The following ACAN variants were observed in gnomAD, a reference collection of about 807,000 sequenced individuals.
ACAN encodes the protein aggrecan.
ACAN carries 47 observed loss-of-function variants against 169.1 expected under a neutral mutation model. That is an observed-to-expected ratio of 0.28 (90% CI 0.22 to 0.35). The LOEUF is 0.35. Ranked by LOEUF, ACAN falls within the 10% of genes least tolerant of loss-of-function variation. ACAN has a pLI of 1.00. For missense variants in ACAN, 2,716 were observed against 2,759.9 expected, an observed-to-expected ratio of 0.98 and a Z score of 0.36; for synonymous variants, 1,115 against 1,112.2, an observed-to-expected ratio of 1.00 and a Z score of -0.05.
At chr15:88,824,907 A>G (rs1023480381) in intron 1 of ACAN, among the ~76,000 whole-genome samples, 4 of 151,946 alleles carry the variant, frequency 2.6e-5, no homozygotes, top group African/African-American at 4.8e-5. Flanking sequence ...AAAAAGCTAT[A>G]AATAGACTTT....
In ACAN at chr15:88,839,952, G is replaced by C. The variant is rs1896606113; in HGVS notation, c.455-60G>C. ...ATTGCCATAATTCTGCGAGGGCCTC[G>C]GTGATCAGAGACTGTGCCTGACCAG... On this transcript the variant is annotated intron_variant, in intron 3 of 18. Coordinates refer to ENST00000560601, the MANE Select transcript of ACAN (RefSeq NM_001369268.1). The surrounding 1 kb of genome is among the most constrained non-coding windows in gnomAD (Gnocchi z 4.5). The C allele has an allele frequency of 6.5e-7, 1 of 1,545,480 alleles. No individual in the cohort carries two copies. The highest frequency in any genetic ancestry group is 8.8e-7 in the Non-Finnish European group (1 of 1,140,062).
chr15:88,841,950 G>C, intron 5 of ACAN, 83 bp downstream of exon 5: 2 of 1,567,862 alleles, frequency 1.3e-6, no homozygotes, highest in South Asian at 1.1e-5. Flanking sequence ...TGACACCTGA[G>C]ATCACACAGG....
rs1435551486 is a variant in ACAN at position 88,855,052 on chromosome 15, C to G, written c.2467C>G (p.Pro823Ala). The change falls in exon 12 of 19, where the codon CCA (proline) becomes GCA (alanine). Residue 823 changes from proline to alanine, a missense_variant. Around this residue, in one of 3 missense-constraint regions of ACAN, gnomAD observed 1,283 missense variants for 1,281.5 expected, o/e 1.00. Coordinates refer to ENST00000560601, the MANE Select transcript of ACAN (RefSeq NM_001369268.1). ...AGTGGAGCTGTTCCCCTCAGAGGAG[C>G]CATTCCCCTCCAAGGAGCCATCCCC... Reference protein sequence around the residue: ...PSVELFPSEEPFPSKEPSPSE... With the variant: ...PSVELFPSEEAFPSKEPSPSE... 6.3e-7 allele frequency: 1 copy of G among 1,588,888 alleles called. No homozygotes were observed. Among genetic ancestry groups the G allele is most frequent in the South Asian group, 1.2e-5 (1 of 86,154 alleles).
chr15:88,829,971 T>G (rs1488204716), intron 1 of ACAN, among the ~76,000 whole-genome samples: 3 of 151,964 alleles, frequency 2.0e-5, no homozygotes, highest in Non-Finnish European at 4.4e-5. Context: ...CTAAACAGTG[T>G]GTAGAAAGTC....
rs1007890948 is a variant in ACAN at position 88,851,638 on chromosome 15, T to G, written c.2027-156T>G. 6.0e-5 allele frequency: 48 copies of G among 796,564 alleles called. No homozygotes were observed. The highest frequency in any genetic ancestry group is 7.5e-5 in the Non-Finnish European group (39 of 517,420). The allele number at this position is 796,564 out of a possible 1,614,324, so 49.3% of individuals were successfully genotyped here. On this transcript the variant is annotated intron_variant, in intron 10 of 18. Transcript: ENST00000560601. The surrounding 1 kb of genome is among the most constrained non-coding windows in gnomAD (Gnocchi z 4.3). The stretch of plus-strand genomic sequence containing the variant: ...ATGGATATTATATCATTGGTGCCGA[T>G]GGCTCTTACTAAGCGAGAAGGCAAA...
chr15:88,805,304 G>A (rs929512873), intron 1 of ACAN, among the ~76,000 whole-genome samples: 2 of 152,162 alleles, frequency 1.3e-5, no homozygotes, highest in Non-Finnish European at 2.9e-5. Flanking sequence ...GAAAGGCAAT[G>A]GGGAAGAAAA....
In ACAN at chr15:88,858,399, C is replaced by G. The variant is rs1156843603; in HGVS notation, c.5814C>G (p.Asp1938Glu). Residue 1938 changes from aspartate (D) to glutamate (E), a missense_variant, in exon 12 of 19, where the codon GAC becomes GAG. Asp to Glu is a conservative substitution (Grantham distance 45). Transcript: ENST00000560601. The surrounding 1 kb of genome is among the most constrained non-coding windows in gnomAD (Gnocchi z 4.0). The stretch of plus-strand genomic sequence containing the variant: ...GTTTCCCCACTGTCTCTCTTGTAGA[C>G]AGAACTTTGGTGGAATCTGTAACCC... ...PSSFPTVSLV[D>E]RTLVESVTQA... 1 of 1,613,806 alleles carries G rather than the reference C, an allele frequency of 6.2e-7. No individual in the cohort carries two copies. The highest frequency in any genetic ancestry group is 8.5e-7 in the Non-Finnish European group (1 of 1,179,896).
Position 88,856,961 on chromosome 15 carries a change from C to G in ACAN, c.4376C>G (p.Thr1459Ser), listed in dbSNP as rs867412218. ...CTTCCTTCTGGAGAAGTTCTAGAGA[C>G]TTCTACCTCTGCGGTAGGGGACCTC... ...SGLPSGEVLE[T>S]STSAVGDLSG... is the part of the protein sequence containing the mutation. Residue 1459 changes from threonine (T) to serine (S), a missense_variant, in exon 12 of 19, where the codon ACT (threonine) becomes AGT (serine). Transcript: ENST00000560601. 5.0e-6 allele frequency: 8 copies of G among 1,613,056 alleles called. No homozygotes were observed. Among genetic ancestry groups the G allele is most frequent in the Non-Finnish European group, 5.9e-6 (7 of 1,179,676 alleles).
intron 13 of ACAN, among the ~76,000 whole-genome samples, chr15:88,865,803 G>A (rs758671718): frequency 1.3e-5 from 2 of 152,180 alleles, no homozygotes; most frequent in African/African-American, 4.8e-5. Context: ...GGGCCAGAAC[G>A]GCCCTTCCAG....
In ACAN at chr15:88,858,261, G is replaced by A. The variant is rs772667742; in HGVS notation, c.5676G>A (p.Pro1892=). 16 of 1,613,766 alleles carry A rather than the reference G, an allele frequency of 9.9e-6. No homozygotes were observed. Among genetic ancestry groups the A allele is most frequent in the South Asian group, 5.5e-5 (5 of 91,080 alleles). The part of the protein sequence containing the change: ...VDSSGFTSQT[P]EFSGLPSGIA... ...CCAGTGGGTTTACATCCCAGACTCC[G>A]GAATTCAGTGGCCTACCAAGTGGCA... The change falls in exon 12 of 19, where the codon CCG becomes CCA. Residue 1892 remains proline (P), a synonymous_variant. Coordinates refer to ENST00000560601, the MANE Select transcript of ACAN (RefSeq NM_001369268.1). This position sits in a 1 kb window ranked among gnomAD's most constrained non-coding sequence, Gnocchi z 4.0.
At chr15:88,832,456 C>G (rs1896388957) in intron 1 of ACAN, among the ~76,000 whole-genome samples, 1 of 151,952 alleles carries the variant, frequency 6.6e-6, no homozygotes, top group African/African-American at 2.4e-5. Context: ...CCAAAAAATA[C>G]AAAAATTAGC....
In ACAN at chr15:88,843,296, G is replaced by GTCGCCGAATC; in HGVS notation, c.758-59_758-58insTCGCCGAATC. 7.1e-7 allele frequency: 1 copy of GTCGCCGAATC among 1,403,448 alleles called. No individual in the cohort carries two copies. Among genetic ancestry groups the GTCGCCGAATC allele is most frequent in the Non-Finnish European group, 9.3e-7 (1 of 1,074,812 alleles). 86.9% of individuals were successfully genotyped at this position (1,403,448 alleles called of 1,614,324 possible). ...GTGGAAAAGTGTGGATCTCTCTGGG[G>GTCGCCGAATC]ATGCAGAGCAGGGGGAGGGGGGAGA... On this transcript the variant is annotated intron_variant, in intron 5 of 18. Transcript: ENST00000560601. The surrounding 1 kb of genome is among the most constrained non-coding windows in gnomAD (Gnocchi z 4.0).
chr15:88,857,853 C>T lies in ACAN; in HGVS notation c.5268C>T (p.Ser1756=), dbSNP rs775729780. The T allele has an allele frequency of 7.4e-6, 12 of 1,613,698 alleles. No individual in the cohort carries two copies. The highest frequency in any genetic ancestry group is 5.3e-5 in the African/African-American group (4 of 75,010). Residue 1756 remains serine (S), a synonymous_variant, in exon 12 of 19, where the codon AGC becomes AGT. Transcript: ENST00000560601. ...AAACATCTGGAGTGACTGAGCTTAG[C>T]GGGCTGTCCTCTGGACAACCAGGTA... ...SGETSGVTEL[S]GLSSGQPGIS... is the part of the protein sequence containing the mutation.
chr15:88,833,593 A>T (rs1896420053), intron 1 of ACAN, among the ~76,000 whole-genome samples: 1 of 151,294 alleles, frequency 6.6e-6, no homozygotes, highest in East Asian at 1.9e-4. Flanking sequence ...ATTTCTCCCT[A>T]TTTTCTTTAC....
Position 88,838,650 on chromosome 15 carries a change from C to T in ACAN, c.71-13C>T, listed in dbSNP as rs1896566087. On this transcript the variant is annotated splice_polypyrimidine_tract_variant and intron_variant, in intron 2 of 18. Coordinates refer to ENST00000560601, the MANE Select transcript of ACAN (RefSeq NM_001369268.1). This position sits in a 1 kb window ranked among gnomAD's most constrained non-coding sequence, Gnocchi z 5.1. ...CTAACAGGTCTCTCTTCTACCCCACCTCTCCCACACAGACCATGACAACTC... is the reference window on the plus strand; with the variant it reads ...CTAACAGGTCTCTCTTCTACCCCACTTCTCCCACACAGACCATGACAACTC... The T allele has an allele frequency of 6.4e-7, 1 of 1,560,870 alleles. No individual in the cohort carries two copies. Among genetic ancestry groups the T allele is most frequent in the African/African-American group, 1.4e-5 (1 of 73,986 alleles).
chr15:88,824,168 C>T (rs1896148623), intron 1 of ACAN, among the ~76,000 whole-genome samples: 1 of 151,928 alleles, frequency 6.6e-6, no homozygotes, highest in Admixed American at 6.6e-5. Context: ...ACTAAAAATA[C>T]AAAAAATTAG....
At position 88,857,576 on chromosome 15, in the gene ACAN, C is replaced by T; in HGVS notation, c.4991C>T (p.Ser1664Phe). 3 of 1,613,972 alleles carry T rather than the reference C, an allele frequency of 1.9e-6. No individual in the cohort carries two copies. The highest frequency in any genetic ancestry group is 1.6e-4 in the Middle Eastern group (1 of 6,062). ...TTCCCAACTGTTTCCCTAGTGGATT[C>T]TACATTGGTGGAAGTGGTCACAGCC... is the stretch of plus-strand genomic sequence containing the variant. ...SGFPTVSLVD[S>F]TLVEVVTAST... Residue 1664 changes from serine (S) to phenylalanine (F), a missense_variant, in exon 12 of 19, where the codon TCT becomes TTT. Around this residue, in one of 3 missense-constraint regions of ACAN, gnomAD observed 1,389 missense variants for 1,363.7 expected, o/e 1.02. Transcript: ENST00000560601.
Position 88,874,424 on chromosome 15 carries a change from A to G in ACAN, c.7650A>G (p.Arg2550=), listed in dbSNP as rs1897462513. ...TCCTAGCCACCACCTACAAACGCAGACTACAGAAGCGGAGCTCACGGCACC... is the reference window on the plus strand; with the variant it reads ...TCCTAGCCACCACCTACAAACGCAGGCTACAGAAGCGGAGCTCACGGCACC... The part of the protein sequence containing the change: ...TCTDPTTYKR[R]LQKRSSRHPR... Residue 2550 remains arginine, a synonymous_variant, in exon 19 of 19, where the codon AGA becomes AGG. Transcript: ENST00000560601. The surrounding 1 kb of genome is among the most constrained non-coding windows in gnomAD (Gnocchi z 7.3). The G allele has an allele frequency of 1.9e-6, 3 of 1,607,160 alleles. No individual in the cohort carries two copies. The highest frequency in any genetic ancestry group is 1.7e-6 in the Non-Finnish European group (2 of 1,177,246).
chr15:88,827,186 T>A (rs1896245082), intron 1 of ACAN, among the ~76,000 whole-genome samples: 1 of 152,080 alleles, frequency 6.6e-6, no homozygotes, highest in East Asian at 1.9e-4. Flanking sequence ...GTGACTGCCC[T>A]CCCTGACCAC....
Sources: allele counts gnomAD v4.1 joint callset (sites outside exome capture counted in the v4.1 genomes callset), GRCh38; gene constraint gnomAD v4.1.1; regional missense constraint gnomAD v4.1.1; non-coding constraint Gnocchi (gnomAD v3.1); transcripts MANE v1.5; gene names NCBI Gene and HGNC (gene_info 2026-07-23, HGNC 2026-07-21).